MAPK13: variants seen among roughly 807,000 people sequenced by gnomAD.
MAPK13 encodes the protein mitogen-activated protein kinase 13.
MAPK13 carries 39 observed loss-of-function variants against 53.5 expected under a neutral mutation model. That is an observed-to-expected ratio of 0.73 (90% CI 0.56 to 0.95). MAPK13 has a LOEUF of 0.95. MAPK13 is among the 40% of genes least tolerant of loss of function. MAPK13 has a pLI of 0.00. For missense variants in MAPK13, 460 were observed against 471.8 expected (o/e 0.98, Z 0.23); for synonymous variants, 179 against 190.9 (o/e 0.94, Z 0.51).
intron 2 of MAPK13, 106 bp from the exon 3 acceptor site, chr6:36,132,514 TG>T: frequency 2.2e-6 from 2 of 909,322 alleles, no homozygotes; most frequent in Non-Finnish European, 3.7e-6. Context: ...CTGCTGGAGG[TG>T]GTGTATTAGG....
Position 36,138,946 on chromosome 6 carries a change from C to T in MAPK13, c.909C>T (p.Leu303=), listed in dbSNP as rs190836570. The change falls in exon 11 of 12, where the codon CTC becomes CTT. Residue 303 remains leucine (L), a synonymous_variant. Transcript: ENST00000211287. ...AGCGCCTGACGGCCGCGCAGGCCCT[C>T]ACCCATCCCTTCTTTGAACCCTTCC... ...VDKRLTAAQA[L]THPFFEPFRD... is the part of the protein sequence containing the mutation. The T allele has an allele frequency of 5.6e-6, 9 of 1,613,726 alleles. No homozygotes were observed. The East Asian group carries it at 2.0e-4, about 36-fold the overall frequency.
chr6:36,135,928 T>A, intron 4 of MAPK13, 67 bp downstream of exon 4: 1 of 1,598,842 alleles, frequency 6.3e-7, no homozygotes, highest in East Asian at 2.2e-5. Context: ...TTGGGGAGGC[T>A]GGAGGGAGCG....
At chr6:36,131,465 C>T (rs1766322171) in intron 2 of MAPK13, 65 bp downstream of exon 2, 4 of 1,500,416 alleles carry the variant, frequency 2.7e-6, no homozygotes, top group South Asian at 1.2e-5. Context: ...CAGGCGCAGG[C>T]GGGGCCTCCC....
chr6:36,130,741 C>T lies in MAPK13; in HGVS notation c.119+40C>T. 1 of 1,104,940 alleles carries T rather than the reference C, an allele frequency of 9.1e-7. No homozygotes were observed. The highest frequency in any genetic ancestry group is 1.3e-6 in the Non-Finnish European group (1 of 773,778). 68.4% of individuals were successfully genotyped at this position (1,104,940 alleles called of 1,614,324 possible). A position where few individuals can be genotyped will look rare whatever the true frequency, so the allele number is the denominator to read the frequency against. On this transcript the variant is annotated intron_variant, in intron 1 of 11. Coordinates refer to ENST00000211287, the MANE Select transcript of MAPK13 (RefSeq NM_002754.5). The surrounding 1 kb of genome is among the most constrained non-coding windows in gnomAD (Gnocchi z 4.5). ...CCGCTGGGGGGCGGGGGGCGGGCGC[C>T]AGGCTCTCCCCTTTCCGCCCAGCCC...
At chr6:36,137,966 A>AC (rs1294666171) in intron 8 of MAPK13, among the ~76,000 whole-genome samples, 2 of 151,654 alleles carry the variant, frequency 1.3e-5, no homozygotes, top group Non-Finnish European at 1.5e-5. Context: ...CTCAAAAAAA[A>AC]AAAAAAAAAA....
At chr6:36,136,189 C>A in intron 5 of MAPK13, 141 bp downstream of exon 5, 1 of 1,036,762 alleles carries the variant, frequency 9.6e-7, no homozygotes, top group Non-Finnish European at 1.4e-6. Context: ...CACACCCAGC[C>A]ACGGCCCAGG....
rs937208864 is a variant in MAPK13, at chr6:36,142,872, G to C, written c.*3499G>C. On this transcript the variant is annotated 3_prime_UTR_variant, in exon 12 of 12. Transcript: ENST00000211287. This position sits in a 1 kb window ranked among gnomAD's most constrained non-coding sequence, Gnocchi z 4.4. ...TGGAGGTGCTCAGCAGTGCAAGGTG[G>C]GGGGTGGAGGGGGTGGGGAGTAGAG... 1 of 152,214 alleles carries C rather than the reference G, an allele frequency of 6.6e-6. No homozygotes were observed. Among genetic ancestry groups the C allele is most frequent in the East Asian group, 1.9e-4 (1 of 5,194 alleles). 9.4% of individuals were successfully genotyped at this position (152,214 alleles called of 1,614,324 possible).
rs1466673152 is a variant in MAPK13, at chr6:36,143,370, A to G, written c.*3997A>G. ...GCCCAGAGCTGCCTGATGGAGGAACAGCTCCGTAAGGGTGAACCCAGTGTG... is the reference window on the plus strand; with the variant it reads ...GCCCAGAGCTGCCTGATGGAGGAACGGCTCCGTAAGGGTGAACCCAGTGTG... On this transcript the variant is annotated 3_prime_UTR_variant, in exon 12 of 12. Coordinates refer to ENST00000211287, the MANE Select transcript of MAPK13 (RefSeq NM_002754.5). 2 of 152,076 alleles carry G rather than the reference A, an allele frequency of 1.3e-5. No individual in the cohort carries two copies. Among genetic ancestry groups the G allele is most frequent in the Admixed American group, 1.3e-4 (2 of 15,278 alleles). The allele number at this position is 152,076 out of a possible 1,614,324, so 9.4% of individuals were successfully genotyped here.
Position 36,138,923 on chromosome 6 carries a change from C to T in MAPK13, c.886C>T (p.Arg296Cys), listed in dbSNP as rs766044738. The T allele has an allele frequency of 2.5e-6, 4 of 1,612,208 alleles. No homozygotes were observed. Among genetic ancestry groups the T allele is most frequent in the Admixed American group, 1.7e-5 (1 of 59,566 alleles). ...EKMLELDVDK[R>C]LTAAQALTHP... is the part of the protein sequence containing the mutation. ...GATGCTGGAGCTAGACGTGGACAAG[C>T]GCCTGACGGCCGCGCAGGCCCTCAC... The change falls in exon 11 of 12, where the codon CGC (arginine) becomes TGC (cysteine). Residue 296 changes from arginine to cysteine, a missense_variant. By Grantham distance (180) the Arg-to-Cys change is radical. Coordinates refer to ENST00000211287, the MANE Select transcript of MAPK13 (RefSeq NM_002754.5).
chr6:36,134,982 TC>T (rs1361849504), intron 3 of MAPK13, among the ~76,000 whole-genome samples: 2 of 152,100 alleles, frequency 1.3e-5, no homozygotes, highest in Non-Finnish European at 2.9e-5. Flanking sequence ...GCCACTGCAC[TC>T]TAGCCTGGGC....
intron 8 of MAPK13, among the ~76,000 whole-genome samples, 156 bp from the exon 9 acceptor site, chr6:36,138,209 G>A (rs569761224): frequency 6.6e-6 from 1 of 152,122 alleles, no homozygotes; most frequent in East Asian, 1.9e-4. Context: ...GAGCCCTGAA[G>A]AATAAGCCTC....
chr6:36,130,720 T>G lies in MAPK13; in HGVS notation c.119+19T>G. 20 of 668,526 alleles carry G rather than the reference T, an allele frequency of 3.0e-5. No homozygotes were observed. The highest frequency in any genetic ancestry group is 3.4e-5 in the Non-Finnish European group (14 of 415,404). 41.4% of individuals were successfully genotyped at this position (668,526 alleles called of 1,614,324 possible). On this transcript the variant is annotated intron_variant, in intron 1 of 11. Coordinates refer to ENST00000211287, the MANE Select transcript of MAPK13 (RefSeq NM_002754.5). The surrounding 1 kb of genome is among the most constrained non-coding windows in gnomAD (Gnocchi z 4.5). ...CCGTGTGGTGAGACCCCTGGGCCGC[T>G]GGGGGGCGGGGGGCGGGCGCCAGGC...
At chr6:36,135,976 G>A (rs1172642690) in intron 4 of MAPK13, 43 bp from the exon 5 acceptor site, 1 of 1,613,446 alleles carries the variant, frequency 6.2e-7, no homozygotes, top group Non-Finnish European at 8.5e-7. Context: ...TGCCTGGTGT[G>A]GAAGCTGGGC....
chr6:36,131,449 C>T (rs961154980), intron 2 of MAPK13, 49 bp downstream of exon 2: 2 of 1,566,786 alleles, frequency 1.3e-6, no homozygotes, highest in African/African-American at 1.4e-5. Flanking sequence ...CCTGGGGAGT[C>T]AGGGGCAGGC....
rs200726449 is a variant in MAPK13 at position 36,130,594 on chromosome 6, C to G, written c.12C>G (p.Ile4Met). 6.4e-7 allele frequency: 1 copy of G among 1,569,774 alleles called. No homozygotes were observed. The highest frequency in any genetic ancestry group is 8.6e-7 in the Non-Finnish European group (1 of 1,158,204). ...ATCGGGTGCCCGGGATGAGCCTCAT[C>G]CGGAAAAAGGGCTTCTACAAGCAGG... The part of the protein sequence containing the change: MSL[I>M]RKKGFYKQDV... Residue 4 changes from isoleucine to methionine, a missense_variant, in exon 1 of 12, where the codon ATC becomes ATG. Coordinates refer to ENST00000211287, the MANE Select transcript of MAPK13 (RefSeq NM_002754.5). The surrounding 1 kb of genome is among the most constrained non-coding windows in gnomAD (Gnocchi z 4.5).
chr6:36,134,930 G>A (rs1285382363), intron 3 of MAPK13, among the ~76,000 whole-genome samples: 1 of 152,188 alleles, frequency 6.6e-6, no homozygotes, highest in African/African-American at 2.4e-5. Flanking sequence ...CAGGAAAATC[G>A]CTTGAACCTG....
Position 36,130,826 on chromosome 6 carries a change from TC to T in MAPK13, c.119+129del. ...CCGCGGACCTCAAGGCCCAGCGCCC[TC>T]CCCGGGGCCACCCAGCGGCCATCTC... On this transcript the variant is annotated intron_variant, in intron 1 of 11. Transcript: ENST00000211287. This position sits in a 1 kb window ranked among gnomAD's most constrained non-coding sequence, Gnocchi z 4.5. 1.9e-6 allele frequency: 1 copy of T among 530,690 alleles called. No individual in the cohort carries two copies. Among genetic ancestry groups the T allele is most frequent in the Non-Finnish European group, 3.3e-6 (1 of 303,230 alleles). 32.9% of individuals were successfully genotyped at this position (530,690 alleles called of 1,614,324 possible).
Position 36,141,273 on chromosome 6 carries a change from G to A in MAPK13, c.*1900G>A, listed in dbSNP as rs1356518395. On this transcript the variant is annotated 3_prime_UTR_variant, in exon 12 of 12. Coordinates refer to ENST00000211287, the MANE Select transcript of MAPK13 (RefSeq NM_002754.5). ...TATTGGTTCATAAATTGTAACAATT[G>A]TGCCACACTAATGCAAGATGTTACT... is the stretch of plus-strand genomic sequence containing the variant. The A allele has an allele frequency of 1.3e-5, 2 of 152,202 alleles. No individual in the cohort carries two copies. The highest frequency in any genetic ancestry group is 2.4e-5 in the African/African-American group (1 of 41,440). 9.4% of individuals were successfully genotyped at this position (152,202 alleles called of 1,614,324 possible). A position where few individuals can be genotyped will look rare whatever the true frequency, so the allele number is the denominator to read the frequency against.
rs1766402390 is a variant in MAPK13 at position 36,135,675 on chromosome 6, C to G, written c.309-78C>G. Reference sequence around the variant, plus strand: ...GTGTCTCTATGACCCCTGTTCTGCCCTGAGGTCCCTCCTCTGAGCTCTGAC... The same window carrying G: ...GTGTCTCTATGACCCCTGTTCTGCCGTGAGGTCCCTCCTCTGAGCTCTGAC... On this transcript the variant is annotated intron_variant, in intron 3 of 11. Transcript: ENST00000211287. 3 of 1,003,262 alleles carry G rather than the reference C, an allele frequency of 3.0e-6. No individual in the cohort carries two copies. In the South Asian group the frequency reaches 4.3e-5, roughly 14 times the overall value. 62.1% of individuals were successfully genotyped at this position (1,003,262 alleles called of 1,614,324 possible).
Sources: gnomAD v4.1 joint callset for allele counts (sites outside exome capture counted in the v4.1 genomes callset) on GRCh38, gnomAD v4.1.1 for gene constraint, Gnocchi (gnomAD v3.1) non-coding constraint, MANE v1.5 for transcripts, NCBI Gene and HGNC (gene_info 2026-07-23, HGNC 2026-07-21) for gene names.